TUSC3: variants seen among roughly 807,000 people sequenced by gnomAD.
TUSC3 encodes dolichyl-diphosphooligosaccharide--protein glycosyltransferase subunit TUSC3.
Under a neutral mutation model 44.8 loss-of-function variants are expected in TUSC3, and 45 were observed. The observed-to-expected ratio is 1.00, with a 90% confidence interval of 0.79 to 1.29. The LOEUF is 1.29. Among genes scored for constraint, TUSC3 ranks in the 50% most tolerant of loss-of-function variants. The pLI, the probability that TUSC3 is intolerant of heterozygous loss-of-function variation, is 0.00. For synonymous variants in TUSC3, 212 were observed against 152.9 expected, an observed-to-expected ratio of 1.39 and a Z score of -2.85; for missense variants, 519 against 437.9, an observed-to-expected ratio of 1.19 and a Z score of -1.65.
At chr8:15,579,475 C>T (rs1803241390) in intron 1 of TUSC3, among the ~76,000 whole-genome samples, 1 of 39,902 alleles carries the variant, frequency 2.5e-5, no homozygotes. Flanking sequence ...TTTCCCTCTA[C>T]ACACTGCTTT....
chr8:15,654,346 A>G (rs1807055886), intron 3 of TUSC3, among the ~76,000 whole-genome samples: 1 of 152,202 alleles, frequency 6.6e-6, no homozygotes, highest in Non-Finnish European at 1.5e-5. Context: ...TGCTTTGTTC[A>G]GTTTAAGGAA....
At chr8:15,771,794 A>G in the TUSC3 span, among the ~76,000 whole-genome samples, 1 of 152,166 alleles carries the variant, frequency 6.6e-6, no homozygotes, top group Non-Finnish European at 1.5e-5. Flanking sequence ...TCTGTATTAA[A>G]AAAAAGAAGA....
chr8:15,453,216 C>T (rs1051910486), intron 1 of TUSC3, among the ~76,000 whole-genome samples: 4 of 151,456 alleles, frequency 2.6e-5, no homozygotes, highest in Non-Finnish European at 5.9e-5. Context: ...GTCCATATGA[C>T]TTCACATTAG....
intron 6 of TUSC3, among the ~76,000 whole-genome samples, chr8:15,705,954 C>A (rs13273264): frequency 6.6e-6 from 1 of 151,704 alleles, no homozygotes; most frequent in South Asian, 2.1e-4. Flanking sequence ...TGTTTTCTTA[C>A]ATTTTAGAAG....
chr8:15,640,304 G>A (rs1410652388), intron 2 of TUSC3, among the ~76,000 whole-genome samples: 1 of 152,156 alleles, frequency 6.6e-6, no homozygotes, highest in Non-Finnish European at 1.5e-5. Context: ...GTCACTGTTG[G>A]AAACTTATCT....
chr8:15,842,985 G>GTTA, the TUSC3 span, among the ~76,000 whole-genome samples: 7 of 152,118 alleles, frequency 4.6e-5, no homozygotes, highest in African/African-American at 1.7e-4. Flanking sequence ...GATTATTGTT[G>GTTA]TTATAGTAAT....
chr8:15,701,747 C>A (rs181911149), intron 6 of TUSC3, among the ~76,000 whole-genome samples: 1 of 152,062 alleles, frequency 6.6e-6, no homozygotes. Flanking sequence ...TTAAGACAGG[C>A]AGCTTATGTG....
At chr8:15,469,119 T>TTTGAACCACCAAAG (rs1800451967) in intron 1 of TUSC3, among the ~76,000 whole-genome samples, 1 of 152,224 alleles carries the variant, frequency 6.6e-6, no homozygotes, top group South Asian at 2.1e-4. Flanking sequence ...AATGAAGCAA[T>TTTGAACCACCAAAG]TTGAACCACC....
intron 6 of TUSC3, among the ~76,000 whole-genome samples, chr8:15,721,842 A>C (rs1255330919): frequency 6.6e-6 from 1 of 152,016 alleles, no homozygotes; most frequent in African/African-American, 2.4e-5. Context: ...TGTTGTCTCA[A>C]CATTTATTTG....
intron 1 of TUSC3, among the ~76,000 whole-genome samples, chr8:15,546,489 T>A (rs78544349): frequency 1.3e-5 from 2 of 151,822 alleles, no homozygotes; most frequent in African/African-American, 4.8e-5. Context: ...CATATATAAA[T>A]AGATTGAATA....
chr8:15,799,950 G>A, the TUSC3 span, among the ~76,000 whole-genome samples: 1 of 152,162 alleles, frequency 6.6e-6, no homozygotes, highest in African/African-American at 2.4e-5. Context: ...CACAAAGAGG[G>A]TCAGATGGCC....
At chr8:15,802,697 A>G in the TUSC3 span, among the ~76,000 whole-genome samples, 1 of 151,264 alleles carries the variant, frequency 6.6e-6, no homozygotes, top group Admixed American at 6.6e-5. Flanking sequence ...ATATGCCCCT[A>G]CTGGTCATAT....
intron 5 of TUSC3, among the ~76,000 whole-genome samples, chr8:15,668,838 A>G (rs1402992024): frequency 6.6e-6 from 1 of 151,750 alleles, no homozygotes; most frequent in Non-Finnish European, 1.5e-5. Context: ...GAAACTTTAG[A>G]TACCTGAGTG....
chr8:15,495,056 C>T (rs1333199451), intron 2 of TUSC3, among the ~76,000 whole-genome samples: 1 of 152,182 alleles, frequency 6.6e-6, no homozygotes, highest in Non-Finnish European at 1.5e-5. Context: ...CCTCCAGCTC[C>T]ATCTTTGCTG....
At chr8:15,582,357 G>T (rs936776927) in intron 1 of TUSC3, among the ~76,000 whole-genome samples, 13 of 152,194 alleles carry the variant, frequency 8.5e-5, no homozygotes, top group African/African-American at 3.1e-4. Context: ...TAAACAGTGA[G>T]GTACTTGAAG....
At chr8:15,760,793 T>A (rs990759893) in intron 10 of TUSC3, among the ~76,000 whole-genome samples, 20 of 152,194 alleles carry the variant, frequency 1.3e-4, no homozygotes, top group Admixed American at 5.2e-4. Flanking sequence ...GAAAATGTGC[T>A]AACTCCCGGT....
At chr8:15,701,414 G>A (rs541617707) in intron 6 of TUSC3, among the ~76,000 whole-genome samples, 1 of 152,188 alleles carries the variant, frequency 6.6e-6, no homozygotes, top group South Asian at 2.1e-4. Flanking sequence ...GTAAAATACT[G>A]TGTATGTGTG....
chr8:15,821,013 TTCTC>T, the TUSC3 span, among the ~76,000 whole-genome samples: 28 of 152,174 alleles, frequency 1.8e-4, no homozygotes, highest in African/African-American at 6.5e-4. Flanking sequence ...GTTTCCAGAT[TTCTC>T]TCTGACATTA....
chr8:15,804,288 C>G, the TUSC3 span, among the ~76,000 whole-genome samples: 1 of 152,196 alleles, frequency 6.6e-6, no homozygotes, highest in African/African-American at 2.4e-5. Context: ...AGTTTACACT[C>G]TTTACTCTGT....
Sources: allele counts gnomAD v4.1 joint callset (sites outside exome capture counted in the v4.1 genomes callset), GRCh38; gene constraint gnomAD v4.1.1; transcripts MANE v1.5; gene names NCBI Gene and HGNC (gene_info 2026-07-23, HGNC 2026-07-21).